The following CENPH variants were observed in gnomAD, a reference collection of about 807,000 sequenced individuals.
The protein encoded by CENPH is CENP-H.
A neutral mutation model predicts 42.9 loss-of-function variants in CENPH; 40 were observed. That is an observed-to-expected ratio of 0.93 (90% CI 0.72 to 1.21). CENPH has a LOEUF of 1.21. CENPH is among the 50% of genes most tolerant of loss of function. The pLI is 0.00. For synonymous variants in CENPH, 88 were observed against 96.5 expected, an observed-to-expected ratio of 0.91 and a Z score of 0.52; for missense variants, 302 against 292.9, an observed-to-expected ratio of 1.03 and a Z score of -0.23.
At position 69,209,977 on chromosome 5, in the gene CENPH, A is replaced by G. The variant is rs1580232308; in HGVS notation, c.*178A>G. On this transcript the variant is annotated 3_prime_UTR_variant, in exon 9 of 9. Coordinates refer to ENST00000283006, the MANE Select transcript of CENPH (RefSeq NM_022909.4). ...GATTGAAAGTAATTTTTTTCTTTTT[A>G]TATTTCTATATTTAGTTTGTTTTTT... is the stretch of plus-strand genomic sequence containing the variant. The G allele has an allele frequency of 5.0e-6, 2 of 399,448 alleles. No homozygotes were observed. The highest frequency in any genetic ancestry group is 8.8e-6 in the Non-Finnish European group (2 of 227,264). 24.7% of individuals were successfully genotyped at this position (399,448 alleles called of 1,614,324 possible).
intron 5 of CENPH, 111 bp from the exon 6 acceptor site, chr5:69,202,395 G>T: frequency 1.5e-6 from 1 of 662,932 alleles, no homozygotes; most frequent in Non-Finnish European, 2.7e-6. Flanking sequence ...AGTGTACGGT[G>T]GATTTAATGA....
intron 2 of CENPH, among the ~76,000 whole-genome samples, chr5:69,192,601 A>G (rs1460328051): frequency 1.3e-5 from 2 of 152,166 alleles, no homozygotes; most frequent in African/African-American, 2.4e-5. Context: ...AAACAAAGTG[A>G]GACCTCGTCC....
chr5:69,200,112 C>CAAAA (rs373894870), intron 5 of CENPH, among the ~76,000 whole-genome samples: 2 of 51,398 alleles, frequency 3.9e-5, no homozygotes, highest in African/African-American at 7.0e-5. Context: ...GACTCTGTCT[C>CAAAA]AAAAAAAAAA....
chr5:69,191,822 C>G lies in CENPH; in HGVS notation c.162C>G (p.Leu54=), dbSNP rs1747876660. The G allele has an allele frequency of 6.4e-7, 1 of 1,552,182 alleles. No individual in the cohort carries two copies. The highest frequency in any genetic ancestry group is 8.9e-7 in the Non-Finnish European group (1 of 1,124,828). The change falls in exon 2 of 9, where the codon CTC becomes CTG. Residue 54 remains leucine, a synonymous_variant. Coordinates refer to ENST00000283006, the MANE Select transcript of CENPH (RefSeq NM_022909.4). ...TGAGAGCACAGACAAAACAACAACT[C>G]TTAGAATATAAATCAATGGTTGATG... ...LRLRAQTKQQ[L]LEYKSMVDAS... is the part of the protein sequence containing the mutation.
In CENPH at chr5:69,195,702, A is replaced by G. The variant is rs1055277435; in HGVS notation, c.240-15A>G. The G allele has an allele frequency of 4.8e-6, 7 of 1,445,176 alleles. No individual in the cohort carries two copies. The highest frequency in any genetic ancestry group is 2.3e-5 in the East Asian group (1 of 43,828). The allele number at this position is 1,445,176 out of a possible 1,614,324, so 89.5% of individuals were successfully genotyped here. A position where few individuals can be genotyped will look rare whatever the true frequency, so the allele number is the denominator to read the frequency against. ...TGATATTGCTGAAATTCTTTTGCTC[A>G]TGTTTCTTTGATAGTAAAATTGAAG... On this transcript the variant is annotated splice_polypyrimidine_tract_variant and intron_variant, in intron 3 of 8. Coordinates refer to ENST00000283006, the MANE Select transcript of CENPH (RefSeq NM_022909.4).
At chr5:69,204,942 G>A (rs1580229541) in intron 7 of CENPH, among the ~76,000 whole-genome samples, 1 of 109,460 alleles carries the variant, frequency 9.1e-6, no homozygotes, top group East Asian at 2.9e-4. Flanking sequence ...TTTTTGAGAT[G>A]GAGTCTCCCT....
At chr5:69,208,795 G>T (rs1748201499) in intron 8 of CENPH, among the ~76,000 whole-genome samples, 1 of 151,800 alleles carries the variant, frequency 6.6e-6, no homozygotes. Flanking sequence ...TTAAGGTCTT[G>T]ATTTTTCTTT....
intron 1 of CENPH, among the ~76,000 whole-genome samples, chr5:69,190,509 A>C (rs988620713): frequency 6.6e-6 from 1 of 152,178 alleles, no homozygotes; most frequent in East Asian, 1.9e-4. Context: ...ACAAACCCTA[A>C]AAAATTTACT....
chr5:69,189,597 T>A lies in CENPH; in HGVS notation c.-38T>A. ...GGAAAAGCGACCTTTTCTGAGCGCG[T>A]TTGCCTGTTGAGTGGTAGCCTTTCC... is the stretch of plus-strand genomic sequence containing the variant. On this transcript the variant is annotated 5_prime_UTR_variant, in exon 1 of 9. Coordinates refer to ENST00000283006, the MANE Select transcript of CENPH (RefSeq NM_022909.4). 1 of 1,543,486 alleles carries A rather than the reference T, an allele frequency of 6.5e-7. No individual in the cohort carries two copies. Among genetic ancestry groups the A allele is most frequent in the Non-Finnish European group, 8.7e-7 (1 of 1,149,118 alleles).
chr5:69,202,997 G>C, intron 7 of CENPH, 27 bp downstream of exon 7: 1 of 1,520,004 alleles, frequency 6.6e-7, no homozygotes, highest in Non-Finnish European at 9.0e-7. Flanking sequence ...TTTTTTGGCA[G>C]AACACATTTT....
chr5:69,199,893 G>T (rs554781420), intron 5 of CENPH, among the ~76,000 whole-genome samples: 1 of 151,878 alleles, frequency 6.6e-6, no homozygotes, highest in South Asian at 2.1e-4. Flanking sequence ...CAGGCGGATC[G>T]TCTGAGATCA....
intron 7 of CENPH, among the ~76,000 whole-genome samples, chr5:69,205,747 C>T (rs1169196115): frequency 2.6e-5 from 3 of 113,642 alleles, no homozygotes; most frequent in Non-Finnish European, 4.9e-5. Context: ...CTCGCTCTGT[C>T]GCCCAGGCTG....
chr5:69,196,954 A>T, intron 4 of CENPH, 99 bp from the exon 5 acceptor site: 1 of 680,928 alleles, frequency 1.5e-6, no homozygotes. Flanking sequence ...TGTTTTATGT[A>T]TATTTGAAGG....
intron 5 of CENPH, among the ~76,000 whole-genome samples, chr5:69,200,656 GAAT>G (rs1173337396): frequency 7.1e-6 from 1 of 140,544 alleles, no homozygotes; most frequent in Non-Finnish European, 1.5e-5. Flanking sequence ...CTGATTATCA[GAAT>G]AATGTCTATT....
intron 7 of CENPH, among the ~76,000 whole-genome samples, chr5:69,203,454 C>T (rs1405086711): frequency 6.6e-6 from 1 of 152,148 alleles, no homozygotes; most frequent in East Asian, 1.9e-4. Context: ...GCATCCTCCG[C>T]CTCCTGGGTT....
chr5:69,202,458 T>C (rs1748074302), intron 5 of CENPH, 48 bp from the exon 6 acceptor site: 13 of 1,082,052 alleles, frequency 1.2e-5, no homozygotes, highest in Non-Finnish European at 1.8e-5. Flanking sequence ...TTATTTTTAA[T>C]TAAGTTACAA....
chr5:69,200,349 T>C (rs950158858), intron 5 of CENPH, among the ~76,000 whole-genome samples: 4 of 152,142 alleles, frequency 2.6e-5, no homozygotes, highest in Non-Finnish European at 5.9e-5. Context: ...AACTTCTAAC[T>C]AGAGATGATC....
intron 7 of CENPH, among the ~76,000 whole-genome samples, chr5:69,205,189 A>G (rs933066177): frequency 1.3e-5 from 2 of 151,986 alleles, no homozygotes; most frequent in African/African-American, 2.4e-5. Flanking sequence ...AAGTGCTGGG[A>G]TTACAGGCAT....
intron 5 of CENPH, among the ~76,000 whole-genome samples, chr5:69,200,127 A>C (rs970306673): frequency 4.0e-5 from 6 of 151,892 alleles, no homozygotes; most frequent in South Asian, 4.2e-4. Flanking sequence ...AAAAAAAAAA[A>C]AAAAAACAGA....
Sources: allele counts gnomAD v4.1 joint callset (sites outside exome capture counted in the v4.1 genomes callset), GRCh38; gene constraint gnomAD v4.1.1; transcripts MANE v1.5; gene names NCBI Gene and HGNC (gene_info 2026-07-23, HGNC 2026-07-21).